Variants in SLIT2 observed in about 807,000 individuals in gnomAD.
SLIT2 encodes the protein slit homolog 2 protein.
A neutral mutation model predicts 185.7 loss-of-function variants in SLIT2; 41 were observed. That is an observed-to-expected ratio of 0.22 (90% CI 0.17 to 0.29). The LOEUF (loss-of-function observed/expected upper bound fraction) is 0.29, where lower values mean the gene tolerates loss of function less well. SLIT2 is among the 10% of genes least tolerant of loss of function. The pLI, the probability that SLIT2 is intolerant of heterozygous loss-of-function variation, is 1.00. For synonymous variants in SLIT2, 693 were observed against 680.2 expected (o/e 1.02, Z -0.29); for missense variants, 1,571 against 1,909.0 (o/e 0.82, Z 3.30).
chr4:20,560,752 T>A (rs535255537), intron 26 of SLIT2, among the ~76,000 whole-genome samples: 2 of 152,050 alleles, frequency 1.3e-5, no homozygotes, highest in Admixed American at 1.3e-4. Flanking sequence ...GTGAACAATC[T>A]AATGGAGATG....
intron 5 of SLIT2, among the ~76,000 whole-genome samples, chr4:20,478,888 C>A (rs558506410): frequency 6.6e-6 from 1 of 152,092 alleles, no homozygotes; most frequent in Non-Finnish European, 1.5e-5. Flanking sequence ...CTGTAAAAAT[C>A]AAAAGTGCTC....
intron 4 of SLIT2, among the ~76,000 whole-genome samples, chr4:20,417,436 G>GTATATATATATCTATATATATATATA (rs1727773676): frequency 8.1e-6 from 1 of 123,678 alleles, no homozygotes; most frequent in African/African-American, 2.9e-5. Context: ...ATGTGTGTGT[G>GTATATATATATCTATATATATATATA]TATATATATA....
At chr4:20,476,789 G>C (rs1716157202) in intron 5 of SLIT2, among the ~76,000 whole-genome samples, 1 of 152,104 alleles carries the variant, frequency 6.6e-6, no homozygotes, top group Non-Finnish European at 1.5e-5. Flanking sequence ...GAATAAAGCA[G>C]GAAATTCTTT....
chr4:20,343,256 T>C (rs1170218140), intron 4 of SLIT2, among the ~76,000 whole-genome samples: 2 of 152,146 alleles, frequency 1.3e-5, no homozygotes, highest in African/African-American at 4.8e-5. Flanking sequence ...TATCTATCAT[T>C]CCACTCTCCA....
At chr4:20,267,868 A>G (rs925966879) in intron 3 of SLIT2, among the ~76,000 whole-genome samples, 1 of 151,892 alleles carries the variant, frequency 6.6e-6, no homozygotes, top group Non-Finnish European at 1.5e-5. Context: ...TCCAGAAACT[A>G]TACTATATAA....
At chr4:20,500,386 T>C (rs1018792302) in intron 9 of SLIT2, among the ~76,000 whole-genome samples, 9 of 152,206 alleles carry the variant, frequency 5.9e-5, no homozygotes, top group Non-Finnish European at 1.0e-4. Flanking sequence ...TTTGTTAGCA[T>C]TTTGCAGTTT....
At chr4:20,381,879 C>A (rs1266940893) in intron 4 of SLIT2, among the ~76,000 whole-genome samples, 1 of 150,956 alleles carries the variant, frequency 6.6e-6, no homozygotes, top group African/African-American at 2.4e-5. Context: ...AACTCCAGAC[C>A]AATATCCTTC....
At chr4:20,613,538 G>GA (rs542192752) in intron 34 of SLIT2, among the ~76,000 whole-genome samples, 71 of 152,160 alleles carry the variant, frequency 4.7e-4, no homozygotes, top group Non-Finnish European at 7.9e-4. Context: ...AGAGGACCAG[G>GA]AAAAATCACT....
intron 4 of SLIT2, among the ~76,000 whole-genome samples, chr4:20,288,747 T>C (rs1180629337): frequency 6.6e-6 from 1 of 152,190 alleles, no homozygotes; most frequent in African/African-American, 2.4e-5. Context: ...GGTCAAGCCA[T>C]AGCTTTTAGT....
Position 20,483,168 on chromosome 4 carries a change from A to G in SLIT2, c.539+2381A>G, listed in dbSNP as rs193186812. ...GGGTTTTAGATTTTTTAAAATTTTA[A>G]TTCCTTGAGCCATTTGTGAATGTAT... On this transcript the variant is annotated intron_variant, in intron 6 of 36. Coordinates refer to ENST00000504154, the MANE Select transcript of SLIT2 (RefSeq NM_004787.4). Among the ~76,000 whole-genome samples the G allele has an allele frequency of 1.4e-4, 22 of 152,156 alleles. No individual in the cohort carries two copies. The East Asian group carries it at 3.7e-3, about 25-fold the overall frequency.
chr4:20,415,642 C>A (rs1727604700), intron 4 of SLIT2, among the ~76,000 whole-genome samples: 1 of 151,812 alleles, frequency 6.6e-6, no homozygotes, highest in Admixed American at 6.6e-5. Flanking sequence ...GTAAATAAAC[C>A]TATTTGTCTC....
chr4:20,423,221 A>T (rs1443781451), intron 4 of SLIT2, among the ~76,000 whole-genome samples: 1 of 152,018 alleles, frequency 6.6e-6, no homozygotes, highest in African/African-American at 2.4e-5. Flanking sequence ...TATTTTGTTT[A>T]ATTTCTAGAA....
chr4:20,609,580 G>A (rs1729050270), intron 33 of SLIT2, among the ~76,000 whole-genome samples: 1 of 152,182 alleles, frequency 6.6e-6, no homozygotes, highest in African/African-American at 2.4e-5. Flanking sequence ...GCAGAAGCCA[G>A]CAGTTGCCTA....
At chr4:20,285,417 G>T (rs192854133) in intron 4 of SLIT2, among the ~76,000 whole-genome samples, 1 of 152,278 alleles carries the variant, frequency 6.6e-6, no homozygotes, top group African/African-American at 2.4e-5. Flanking sequence ...TGATCTCATT[G>T]TTATTTTTCT....
chr4:20,379,065 A>G (rs1324677508), intron 4 of SLIT2, among the ~76,000 whole-genome samples: 1 of 152,144 alleles, frequency 6.6e-6, no homozygotes, highest in African/African-American at 2.4e-5. Context: ...ATTCTGTATG[A>G]TACTAAATAA....
intron 4 of SLIT2, among the ~76,000 whole-genome samples, chr4:20,411,228 A>G (rs1158018940): frequency 6.6e-6 from 1 of 152,230 alleles, no homozygotes; most frequent in Non-Finnish European, 1.5e-5. Flanking sequence ...GCCCAGACAC[A>G]GCTTGTCGAG....
intron 3 of SLIT2, among the ~76,000 whole-genome samples, chr4:20,264,925 C>G (rs978102422): frequency 2.0e-5 from 3 of 151,870 alleles, no homozygotes; most frequent in Non-Finnish European, 4.4e-5. Flanking sequence ...ACTTATATAT[C>G]ACTATATCTC....
chr4:20,433,615 A>G lies in SLIT2; in HGVS notation c.396-34137A>G, dbSNP rs181632635. On this transcript the variant is annotated intron_variant, in intron 4 of 36. Coordinates refer to ENST00000504154, the MANE Select transcript of SLIT2 (RefSeq NM_004787.4). ...TGAGACTGTGGTTTAGTTTTAGGAAACAGTTTGAAACTAACCTCTTAAAAA... is the reference window on the plus strand; with the variant it reads ...TGAGACTGTGGTTTAGTTTTAGGAAGCAGTTTGAAACTAACCTCTTAAAAA... 5.3e-5 allele frequency among the ~76,000 whole-genome samples: 8 copies of G among 152,320 alleles called. No homozygotes were observed. The East Asian group carries it at 1.5e-3, about 29-fold the overall frequency.
intron 30 of SLIT2, 135 bp from the exon 31 acceptor site, chr4:20,595,562 C>T: frequency 9.9e-7 from 1 of 1,014,848 alleles, no homozygotes; most frequent in Admixed American, 2.1e-5. Flanking sequence ...TTCTAGGTAT[C>T]CATTAATGTG....
Sources: allele counts gnomAD v4.1 joint callset (sites outside exome capture counted in the v4.1 genomes callset), GRCh38; gene constraint gnomAD v4.1.1; transcripts MANE v1.5; gene names NCBI Gene and HGNC (gene_info 2026-07-23, HGNC 2026-07-21).